The following RABGAP1L variants were observed in gnomAD, a reference collection of about 807,000 sequenced individuals.
RABGAP1L encodes RAB GTPase activating protein 1 like.
In RABGAP1L, 63 loss-of-function variants were observed where a neutral mutation model predicts 137.7. The ratio of observed to expected loss-of-function variants is 0.46; its 90% CI spans 0.37 to 0.56. The LOEUF (loss-of-function observed/expected upper bound fraction) is 0.56, where lower values mean the gene tolerates loss of function less well. Among genes scored for constraint, RABGAP1L ranks in the 20% least tolerant of loss-of-function variants. The pLI is 0.00. For synonymous variants in RABGAP1L, 431 were observed against 433.7 expected (o/e 0.99, Z 0.08); for missense variants, 1,095 against 1,244.0 (o/e 0.88, Z 1.80).
intron 19 of RABGAP1L, among the ~76,000 whole-genome samples, chr1:174,912,091 GA>G (rs915670735): frequency 1.6e-4 from 24 of 151,724 alleles, no homozygotes; most frequent in African/African-American, 4.4e-4. Flanking sequence ...AGAAATAGCA[GA>G]AAAAAAATAT....
chr1:174,788,544 A>G (rs577613867), intron 18 of RABGAP1L, among the ~76,000 whole-genome samples: 4 of 152,180 alleles, frequency 2.6e-5, no homozygotes, highest in Non-Finnish European at 5.9e-5. Flanking sequence ...TGACTTGTCT[A>G]CCTTCAGTCT....
At chr1:174,974,320 C>A (rs569705276) in intron 21 of RABGAP1L, among the ~76,000 whole-genome samples, 30 of 152,046 alleles carry the variant, frequency 2.0e-4, no homozygotes, top group Non-Finnish European at 4.3e-4. Context: ...CCACTCTGTG[C>A]CTATCTGTCA....
At chr1:174,227,897 A>G (rs1670324221) in intron 3 of RABGAP1L, among the ~76,000 whole-genome samples, 1 of 151,410 alleles carries the variant, frequency 6.6e-6, no homozygotes. Context: ...GAAGAAATTA[A>G]AGAGCAAGGA....
At chr1:174,462,134 A>C (rs930885008) in intron 13 of RABGAP1L, among the ~76,000 whole-genome samples, 1 of 152,108 alleles carries the variant, frequency 6.6e-6, no homozygotes, top group Non-Finnish European at 1.5e-5. Flanking sequence ...ACTATGCTCT[A>C]ATAATACTTC....
At chr1:174,357,818 T>C (rs1683768999) in intron 11 of RABGAP1L, among the ~76,000 whole-genome samples, 2 of 152,258 alleles carry the variant, frequency 1.3e-5, no homozygotes, top group Non-Finnish European at 1.5e-5. Context: ...TCCTCAAACC[T>C]GTGCCAGTAG....
intron 13 of RABGAP1L, among the ~76,000 whole-genome samples, chr1:174,615,039 C>T (rs1339689945): frequency 2.0e-5 from 3 of 152,164 alleles, no homozygotes; most frequent in Admixed American, 2.0e-4. Context: ...TCCTGTAGCT[C>T]GGAGTAGTTT....
chr1:174,308,762 T>A (rs760023604), intron 11 of RABGAP1L, among the ~76,000 whole-genome samples: 2 of 152,118 alleles, frequency 1.3e-5, no homozygotes, highest in African/African-American at 2.4e-5. Context: ...CTCATGTTGT[T>A]TTGGTTACTT....
rs137981207 is a variant in RABGAP1L at position 174,773,643 on chromosome 1, A to G, written c.2211+21289A>G. Reference sequence around the variant, plus strand: ...GCCAGAGCAACCAAGAGCCATTGCTATATGAACAAATAATTGAATTTAGGC... The same window carrying G: ...GCCAGAGCAACCAAGAGCCATTGCTGTATGAACAAATAATTGAATTTAGGC... On this transcript the variant is annotated intron_variant, in intron 18 of 25. Transcript: ENST00000681986. 2.8e-3 allele frequency among the ~76,000 whole-genome samples: 432 copies of G among 152,376 alleles called. 8 individuals carry two copies. Among genetic ancestry groups the G allele is most frequent in the Non-Finnish European group, 4.9e-4 (33 of 68,036 alleles).
intron 13 of RABGAP1L, among the ~76,000 whole-genome samples, chr1:174,568,068 A>G (rs1667701461): frequency 6.6e-6 from 1 of 152,210 alleles, no homozygotes; most frequent in South Asian, 2.1e-4. Context: ...GCTGTACATG[A>G]AGCATAGCAC....
intron 19 of RABGAP1L, among the ~76,000 whole-genome samples, chr1:174,847,634 G>C (rs1304184361): frequency 1.5e-5 from 2 of 132,942 alleles, no homozygotes; most frequent in African/African-American, 2.8e-5. Context: ...AGGGTAACCC[G>C]ACCTTTCTCT....
chr1:174,215,720 G>A (rs1571588802), intron 1 of RABGAP1L, among the ~76,000 whole-genome samples: 1 of 152,112 alleles, frequency 6.6e-6, no homozygotes, highest in African/African-American at 2.4e-5. Flanking sequence ...TACACTGTTG[G>A]TGGGAGTATG....
At chr1:174,261,234 T>C (rs906243779) in intron 7 of RABGAP1L, among the ~76,000 whole-genome samples, 1 of 152,168 alleles carries the variant, frequency 6.6e-6, no homozygotes, top group Non-Finnish European at 1.5e-5. Flanking sequence ...GCCAACACTG[T>C]TGGAAAATAA....
In RABGAP1L at chr1:174,649,135, A is replaced by G. The variant is rs566622208; in HGVS notation, c.1824+11647A>G. ...GGTCTTCTGAATATAGTACACTGAT[A>G]GGTCTTGACTCTTTATCCAATTTGC... On this transcript the variant is annotated intron_variant, in intron 14 of 25. Transcript: ENST00000681986. Among the ~76,000 whole-genome samples the G allele has an allele frequency of 1.5e-3, 223 of 152,124 alleles. 1 individual carries two copies. The highest frequency in any genetic ancestry group is 4.1e-3 in the South Asian group (20 of 4,822).
At chr1:174,317,152 A>G (rs773985271) in intron 11 of RABGAP1L, among the ~76,000 whole-genome samples, 2 of 151,940 alleles carry the variant, frequency 1.3e-5, no homozygotes, top group Non-Finnish European at 2.9e-5. Context: ...TGGACATGCT[A>G]GAACCTAAGG....
In RABGAP1L at chr1:174,504,181, C is replaced by T. The variant is rs573427037; in HGVS notation, c.1710+110036C>T. On this transcript the variant is annotated intron_variant, in intron 13 of 25. Transcript: ENST00000681986. Reference sequence around the variant, plus strand: ...AGAGTTAGGGTTTCGCCATGTTGCCCAGGCTTGTCTCCAACTCTTGAGCTC... The same window carrying T: ...AGAGTTAGGGTTTCGCCATGTTGCCTAGGCTTGTCTCCAACTCTTGAGCTC... 1.8e-4 allele frequency among the ~76,000 whole-genome samples: 27 copies of T among 151,896 alleles called. 1 individual carries two copies. The South Asian group carries it at 5.6e-3, about 32-fold the overall frequency.
intron 13 of RABGAP1L, among the ~76,000 whole-genome samples, chr1:174,595,647 G>A (rs548582784): frequency 7.3e-5 from 11 of 150,208 alleles, no homozygotes; most frequent in African/African-American, 2.0e-4. Context: ...GCTGGGGGCT[G>A]CCTCCCAGTT....
intron 14 of RABGAP1L, among the ~76,000 whole-genome samples, chr1:174,640,786 T>C (rs1290349181): frequency 6.6e-6 from 1 of 151,914 alleles, no homozygotes; most frequent in Non-Finnish European, 1.5e-5. Context: ...ACCTTTAGTA[T>C]AGCGTTCAAA....
At chr1:174,458,759 GTAA>G (rs1656329433) in intron 13 of RABGAP1L, among the ~76,000 whole-genome samples, 1 of 152,024 alleles carries the variant, frequency 6.6e-6, no homozygotes, top group Admixed American at 6.6e-5. Context: ...CATGGAGTCA[GTAA>G]TAATTAACAT....
At chr1:174,403,163 C>A (rs7413513) in intron 13 of RABGAP1L, among the ~76,000 whole-genome samples, 1 of 149,452 alleles carries the variant, frequency 6.7e-6, no homozygotes, top group African/African-American at 2.5e-5. Context: ...TGTTTTTCTC[C>A]CAAATGAATC....
Sources: allele counts gnomAD v4.1 joint callset (sites outside exome capture counted in the v4.1 genomes callset), GRCh38; gene constraint gnomAD v4.1.1; transcripts MANE v1.5; gene names NCBI Gene and HGNC (gene_info 2026-07-23, HGNC 2026-07-21).